Variants in RBPMS observed in about 807,000 individuals in gnomAD.
RBPMS encodes the protein RNA binding protein, mRNA processing factor.
Under a neutral mutation model 26.8 loss-of-function variants are expected in RBPMS, and 7 were observed. The observed-to-expected ratio is 0.26, with a 90% CI of 0.15 to 0.49. The LOEUF is 0.49. RBPMS is among the 20% of genes least tolerant of loss of function. The pLI is 0.98. For missense variants in RBPMS, 186 were observed against 250.0 expected, an observed-to-expected ratio of 0.74 and a Z score of 1.73; for synonymous variants, 96 against 93.3, an observed-to-expected ratio of 1.03 and a Z score of -0.17.
chr8:30,538,050 A>G (rs1824981524), intron 5 of RBPMS, among the ~76,000 whole-genome samples: 1 of 152,232 alleles, frequency 6.6e-6, no homozygotes, highest in African/African-American at 2.4e-5. Context: ...TTTATGAGTC[A>G]TCCTAAATAG....
intron 1 of RBPMS, among the ~76,000 whole-genome samples, chr8:30,429,560 C>T (rs958984577): frequency 6.6e-6 from 1 of 152,148 alleles, no homozygotes; most frequent in African/African-American, 2.4e-5. Context: ...TAAAAACAGT[C>T]TATAATCTGA....
chr8:30,504,511 A>G (rs563286842), intron 5 of RBPMS, 75 bp downstream of exon 5: 2 of 1,438,830 alleles, frequency 1.4e-6, no homozygotes, highest in South Asian at 1.3e-5. Flanking sequence ...AGGTTACACC[A>G]TGGGACATGG....
chr8:30,513,105 CAG>C (rs1821904585), intron 5 of RBPMS, among the ~76,000 whole-genome samples: 1 of 151,614 alleles, frequency 6.6e-6, no homozygotes, highest in Admixed American at 6.6e-5. Flanking sequence ...ATAGGAGTCT[CAG>C]TGTGAAGAAC....
intron 5 of RBPMS, among the ~76,000 whole-genome samples, chr8:30,532,200 A>G (rs569264474): frequency 2.0e-5 from 3 of 152,184 alleles, no homozygotes. Context: ...AAGAATGAGG[A>G]AGAAACAGTT....
Position 30,479,395 on chromosome 8 carries a change from A to C in RBPMS, c.246+18A>C. 6.4e-7 allele frequency: 1 copy of C among 1,567,398 alleles called. No homozygotes were observed. The highest frequency in any genetic ancestry group is 8.7e-7 in the Non-Finnish European group (1 of 1,145,182). ...CTTTGAATGTAAGTACTAATGATGT[A>C]ATTGTAGGGGGTTTCCATATGAGGT... On this transcript the variant is annotated intron_variant, in intron 4 of 8. Coordinates refer to ENST00000397323, the MANE Select transcript of RBPMS (RefSeq NM_001008710.3).
chr8:30,459,687 A>G (rs755200804), intron 1 of RBPMS, among the ~76,000 whole-genome samples: 8 of 152,190 alleles, frequency 5.3e-5, no homozygotes, highest in Non-Finnish European at 7.3e-5. Flanking sequence ...TAAGCCCTCA[A>G]CAGTTTGTTC....
At chr8:30,495,040 C>T (rs59837145) in intron 4 of RBPMS, among the ~76,000 whole-genome samples, 1 of 152,158 alleles carries the variant, frequency 6.6e-6, no homozygotes, top group Non-Finnish European at 1.5e-5. Context: ...TTTTATCCCT[C>T]TGGTTAATGA....
intron 1 of RBPMS, 37 bp downstream of exon 1, chr8:30,385,195 GGGACCCAGTGCGGGCGGCCGGCGGGGCGC>G: frequency 2.1e-6 from 3 of 1,412,440 alleles, no homozygotes; most frequent in Non-Finnish European, 2.8e-6. Flanking sequence ...GGGGCGACGC[GGGACCCAGTGCGGGCGGCCGGCGGGGCGC>G]GGGCCCGGGG....
At chr8:30,466,915 T>G (rs1282473564) in intron 1 of RBPMS, among the ~76,000 whole-genome samples, 4 of 152,150 alleles carry the variant, frequency 2.6e-5, no homozygotes, top group African/African-American at 9.7e-5. Flanking sequence ...TTCTAAATCC[T>G]ATGGTTAGTC....
At chr8:30,432,963 G>C (rs1213215245) in intron 1 of RBPMS, among the ~76,000 whole-genome samples, 1 of 152,204 alleles carries the variant, frequency 6.6e-6, no homozygotes, top group African/African-American at 2.4e-5. Context: ...TGGAGAACTA[G>C]ACTTGAGTAC....
intron 1 of RBPMS, among the ~76,000 whole-genome samples, chr8:30,433,337 A>G (rs1812134097): frequency 6.6e-6 from 1 of 152,168 alleles, no homozygotes; most frequent in African/African-American, 2.4e-5. Context: ...AACATTCCCT[A>G]TGTTTAGATT....
At chr8:30,494,885 A>C (rs1413194918) in intron 4 of RBPMS, among the ~76,000 whole-genome samples, 1 of 152,168 alleles carries the variant, frequency 6.6e-6, no homozygotes, top group Non-Finnish European at 1.5e-5. Context: ...CTTAAACACA[A>C]TGTATTGTTT....
intron 5 of RBPMS, among the ~76,000 whole-genome samples, chr8:30,525,664 A>G (rs546826675): frequency 1.3e-5 from 2 of 152,344 alleles, no homozygotes; most frequent in African/African-American, 4.8e-5. Flanking sequence ...TGAATCAGTA[A>G]TGACGTTTTA....
intron 6 of RBPMS, chr8:30,547,316 A>C: frequency 6.2e-7 from 1 of 1,612,638 alleles, no homozygotes. Context: ...GGCAAAGCCC[A>C]ACACACCTGT....
chr8:30,518,675 G>A (rs190167161), intron 5 of RBPMS, among the ~76,000 whole-genome samples: 7 of 75,402 alleles, frequency 9.3e-5, no homozygotes, highest in Admixed American at 2.7e-4. Flanking sequence ...TGATCCGCCC[G>A]GCCAAGCATG....
At chr8:30,530,006 C>A (rs764101849) in intron 5 of RBPMS, among the ~76,000 whole-genome samples, 1 of 152,170 alleles carries the variant, frequency 6.6e-6, no homozygotes, top group Non-Finnish European at 1.5e-5. Context: ...CCGCCCACCT[C>A]GGCCTCCCAA....
rs61197324 is a variant in RBPMS, at chr8:30,421,465, G to T, written c.66+36307G>T. On this transcript the variant is annotated intron_variant, in intron 1 of 8. Coordinates refer to ENST00000397323, the MANE Select transcript of RBPMS (RefSeq NM_001008710.3). ...AAATCCTCTATAGTGTTTTTGTTAT[G>T]TTTGTGTTTCTTATTAAAAATTCCT... is the stretch of plus-strand genomic sequence containing the variant. 1.7e-3 allele frequency among the ~76,000 whole-genome samples: 258 copies of T among 152,172 alleles called. 1 individual carries two copies. The highest frequency in any genetic ancestry group is 5.8e-3 in the African/African-American group (243 of 41,548).
At chr8:30,459,499 T>C (rs1236359803) in intron 1 of RBPMS, among the ~76,000 whole-genome samples, 1 of 152,188 alleles carries the variant, frequency 6.6e-6, no homozygotes, top group African/African-American at 2.4e-5. Flanking sequence ...GAAAAGTGGC[T>C]CGATTGACAG....
At chr8:30,460,313 C>T (rs1202530113) in intron 1 of RBPMS, among the ~76,000 whole-genome samples, 2 of 152,068 alleles carry the variant, frequency 1.3e-5, no homozygotes, top group Admixed American at 6.5e-5. Context: ...AACTAGTTTG[C>T]GAATTAGAGA....
Sources: gnomAD v4.1 joint callset for allele counts (sites outside exome capture counted in the v4.1 genomes callset) on GRCh38, gnomAD v4.1.1 for gene constraint, MANE v1.5 for transcripts, NCBI Gene and HGNC (gene_info 2026-07-23, HGNC 2026-07-21) for gene names.